NR6A1: variants seen among roughly 807,000 people sequenced by gnomAD.
The protein encoded by NR6A1 is nuclear receptor subfamily 6 group A member 1.
Under a neutral mutation model 59.1 loss-of-function variants are expected in NR6A1, and 7 were observed. The ratio of observed to expected loss-of-function variants is 0.12; its 90% CI spans 0.07 to 0.22. The LOEUF is 0.22. Among genes scored for constraint, NR6A1 ranks in the 10% least tolerant of loss-of-function variants. The pLI, the probability that NR6A1 is intolerant of heterozygous loss-of-function variation, is 1.00. For missense variants in NR6A1, 468 were observed against 611.6 expected (o/e 0.77, Z 2.48); for synonymous variants, 243 against 236.1 (o/e 1.03, Z -0.27).
chr9:124,628,609 G>A (rs1432658787), intron 2 of NR6A1, among the ~76,000 whole-genome samples: 1 of 151,062 alleles, frequency 6.6e-6, no homozygotes, highest in African/African-American at 2.4e-5. Context: ...CCAAAGTGCT[G>A]GGATTACAGG....
rs1832721837 is a variant in NR6A1, at chr9:124,517,880, A to G, written c.*4825T>C. The stretch of plus-strand genomic sequence containing the variant: ...TCTTTCCCGACAGAAACATGTAAAC[A>G]GAGCAGGAGCTACAGTATTCTTTTC... On this transcript the variant is annotated 3_prime_UTR_variant, in exon 10 of 10. Transcript: ENST00000487099. 6.6e-6 allele frequency: 1 copy of G among 152,120 alleles called. No individual in the cohort carries two copies. The highest frequency in any genetic ancestry group is 1.5e-5 in the Non-Finnish European group (1 of 68,028). The allele number at this position is 152,120 out of a possible 1,614,324, so 9.4% of individuals were successfully genotyped here.
intron 2 of NR6A1, among the ~76,000 whole-genome samples, chr9:124,716,197 C>T (rs555308454): frequency 6.6e-6 from 1 of 151,980 alleles, no homozygotes; most frequent in East Asian, 1.9e-4. Flanking sequence ...AGAGTGAGGC[C>T]CTGTCTCAAA....
intron 2 of NR6A1, among the ~76,000 whole-genome samples, chr9:124,674,580 G>A (rs1837896872): frequency 6.6e-6 from 1 of 152,106 alleles, no homozygotes; most frequent in Non-Finnish European, 1.5e-5. Context: ...TGGAACATAA[G>A]TGCTATATAA....
Position 124,637,366 on chromosome 9 carries a change from G to T in NR6A1, c.143-82796C>A, listed in dbSNP as rs541955709. 6.0e-4 allele frequency among the ~76,000 whole-genome samples: 91 copies of T among 152,256 alleles called. 1 individual carries two copies. The South Asian group carries it at 0.018, about 30-fold the overall frequency. ...TCTTATATACCAGGCTAAAAAGCTG[G>T]AATTCTTCCTATAGGTGGGAATAAC... On this transcript the variant is annotated intron_variant, in intron 2 of 9. Coordinates refer to ENST00000487099, the MANE Select transcript of NR6A1 (RefSeq NM_033334.4).
intron 2 of NR6A1, among the ~76,000 whole-genome samples, chr9:124,686,240 C>T (rs1838325833): frequency 6.6e-6 from 1 of 152,192 alleles, no homozygotes; most frequent in Non-Finnish European, 1.5e-5. Flanking sequence ...AGTCTTATAT[C>T]ACTGATACAT....
chr9:124,594,453 G>C (rs113632397), intron 2 of NR6A1, among the ~76,000 whole-genome samples: 6 of 152,148 alleles, frequency 3.9e-5, no homozygotes, highest in South Asian at 4.1e-4. Context: ...CTAAACTCAT[G>C]TAATTACTGC....
rs546402626 is a variant in NR6A1, at chr9:124,767,843, C to T, written c.100+3177G>A. On this transcript the variant is annotated intron_variant, in intron 1 of 9. Coordinates refer to ENST00000487099, the MANE Select transcript of NR6A1 (RefSeq NM_033334.4). ...TTACTTATAATGGCTTATAACCTTC[C>T]TTTGCCTTCCTTTGCTTTAAATATT... Among the ~76,000 whole-genome samples the T allele has an allele frequency of 8.5e-5, 13 of 152,326 alleles. No individual in the cohort carries two copies. The East Asian group carries it at 2.1e-3, about 25-fold the overall frequency.
At chr9:124,643,947 C>G (rs1184144120) in intron 2 of NR6A1, among the ~76,000 whole-genome samples, 2 of 152,232 alleles carry the variant, frequency 1.3e-5, no homozygotes, top group African/African-American at 4.8e-5. Flanking sequence ...TGTCACCAGG[C>G]TGGGGTGCAG....
chr9:124,667,279 C>A (rs1005389439), intron 2 of NR6A1, among the ~76,000 whole-genome samples: 1 of 151,980 alleles, frequency 6.6e-6, no homozygotes, highest in Non-Finnish European at 1.5e-5. Flanking sequence ...GATCCACCCA[C>A]CCCAGCGTCC....
intron 2 of NR6A1, among the ~76,000 whole-genome samples, chr9:124,670,512 T>TTATTATTTATATTATTAAATATTA (rs1564228697): frequency 6.6e-6 from 1 of 151,860 alleles, no homozygotes; most frequent in African/African-American, 2.4e-5. Flanking sequence ...TAGTATTAAA[T>TTATTATTTATATTATTAAATATTA]TATTATATTC....
intron 3 of NR6A1, among the ~76,000 whole-genome samples, chr9:124,544,294 C>A (rs1272026773): frequency 6.6e-6 from 1 of 152,022 alleles, no homozygotes; most frequent in East Asian, 1.9e-4. Context: ...TGGTTTTTTT[C>A]ATTAATCAGA....
intron 2 of NR6A1, among the ~76,000 whole-genome samples, chr9:124,565,344 T>C (rs912988656): frequency 4.6e-5 from 7 of 152,060 alleles, no homozygotes; most frequent in African/African-American, 1.4e-4. Flanking sequence ...TGAGAATCGC[T>C]TGAACTCAGG....
intron 2 of NR6A1, among the ~76,000 whole-genome samples, chr9:124,664,242 T>C (rs1054345498): frequency 1.3e-5 from 2 of 152,182 alleles, no homozygotes; most frequent in Non-Finnish European, 1.5e-5. Flanking sequence ...CACATAACCT[T>C]TTGGAGGACA....
At chr9:124,641,776 G>A (rs972040050) in intron 2 of NR6A1, among the ~76,000 whole-genome samples, 3 of 152,230 alleles carry the variant, frequency 2.0e-5, no homozygotes, top group African/African-American at 7.2e-5. Flanking sequence ...ATAAATGCCA[G>A]GCTGGGAAAC....
intron 1 of NR6A1, among the ~76,000 whole-genome samples, chr9:124,742,096 T>C (rs1840186400): frequency 6.6e-6 from 1 of 152,206 alleles, no homozygotes; most frequent in Non-Finnish European, 1.5e-5. Flanking sequence ...GGCCTTATCA[T>C]AAAGACCTTC....
Position 124,524,847 on chromosome 9 carries a change from G to C in NR6A1, c.1228C>G (p.Gln410Glu). The change falls in exon 9 of 10, where the codon CAG becomes GAG. Residue 410 changes from glutamine (Q) to glutamate (E), a missense_variant. Physicochemically the swap from Gln to Glu is conservative, Grantham distance 29. Around this residue, in one of 4 missense-constraint regions of NR6A1, gnomAD observed 176 missense variants for 264.0 expected, o/e 0.67. Transcript: ENST00000487099. ...TATCGTTTATTCAATTGTTCCAGCT[G>C]TGAGGCACTGGTCAGACCCCTGATA... ...QDIRGLTSAS[Q>E]LEQLNKRYWY... 1 of 1,613,254 alleles carries C rather than the reference G, an allele frequency of 6.2e-7. No individual in the cohort carries two copies. The highest frequency in any genetic ancestry group is 8.5e-7 in the Non-Finnish European group (1 of 1,179,824).
At chr9:124,546,825 A>G (rs753943210) in intron 3 of NR6A1, among the ~76,000 whole-genome samples, 1 of 152,362 alleles carries the variant, frequency 6.6e-6, no homozygotes, top group Admixed American at 6.5e-5. Context: ...GTTCTTGCAC[A>G]TATGTATGTT....
chr9:124,668,096 C>T (rs1226408697), intron 2 of NR6A1, among the ~76,000 whole-genome samples: 1 of 152,042 alleles, frequency 6.6e-6, no homozygotes, highest in Non-Finnish European at 1.5e-5. Context: ...GACCAGAAGC[C>T]TTACTGATAA....
rs780379141 is a variant in NR6A1, at chr9:124,538,136, G to A, written c.780C>T (p.Ala260=). Residue 260 remains alanine (A), a synonymous_variant, in exon 6 of 10, where the codon GCC becomes GCT. Transcript: ENST00000487099. ...SYSLIHQLLS[A]EDLEPLGTPM... ...GCGTGCCCAATGGTTCCAGGTCCTC[G>A]GCTGATAACAGCTGGTGAATCAGAC... The A allele has an allele frequency of 8.7e-6, 14 of 1,613,906 alleles. No individual in the cohort carries two copies. The South Asian group carries it at 9.9e-5, about 11-fold the overall frequency.
Sources: allele counts gnomAD v4.1 joint callset (sites outside exome capture counted in the v4.1 genomes callset), GRCh38; gene constraint gnomAD v4.1.1; regional missense constraint gnomAD v4.1.1; transcripts MANE v1.5; gene names NCBI Gene and HGNC (gene_info 2026-07-23, HGNC 2026-07-21).